Variants in SNX2 observed in about 807,000 individuals in gnomAD.
SNX2 encodes sorting nexin-2.
SNX2 carries 25 observed loss-of-function variants against 69.9 expected under a neutral mutation model. The observed-to-expected ratio is 0.36, with a 90% confidence interval of 0.26 to 0.50. The LOEUF (loss-of-function observed/expected upper bound fraction) is 0.50. Among genes scored for constraint, SNX2 ranks in the 20% least tolerant of loss-of-function variants. The pLI, the probability that SNX2 is intolerant of heterozygous loss-of-function variation, is 0.97. For missense variants in SNX2, 551 were observed against 613.3 expected, an observed-to-expected ratio of 0.90 and a Z score of 1.07; for synonymous variants, 229 against 200.4, an observed-to-expected ratio of 1.14 and a Z score of -1.20.
chr5:122,805,323 A>T (rs72794701), intron 6 of SNX2, among the ~76,000 whole-genome samples: 29,896 of 147,562 alleles, frequency 0.2, 3,384 homozygotes, highest in East Asian at 0.46. Context: ...TTGCTGATTT[A>T]TTTTTTCCCC....
chr5:122,789,251 C>A (rs185464101), intron 1 of SNX2, among the ~76,000 whole-genome samples: 252 of 152,218 alleles, frequency 1.7e-3, no homozygotes, highest in Non-Finnish European at 2.8e-3. Context: ...ACCTAAGTAT[C>A]AATTGAGTTT....
At chr5:122,819,106 T>TCTAA in intron 11 of SNX2, 83 bp downstream of exon 11, 1 of 1,035,784 alleles carries the variant, frequency 9.7e-7, no homozygotes, top group Non-Finnish European at 1.4e-6. Flanking sequence ...TATTTACATG[T>TCTAA]CTAAATTCCT....
rs74741769 is a variant in SNX2, at chr5:122,819,044, T to C, written c.1212+21T>C. On this transcript the variant is annotated intron_variant, in intron 11 of 14. Transcript: ENST00000379516. ...TGAAAGTAAGCCCTTTCTTGCATGC[T>C]TCTCACTTGTGTCGTGTACTTTAAA... 1.0e-3 allele frequency: 1,606 copies of C among 1,577,398 alleles called. 11 individuals carry two copies. In the African/African-American group the frequency reaches 0.019, roughly 19 times the overall value.
At chr5:122,813,767 C>CTT (rs546503535) in intron 7 of SNX2, among the ~76,000 whole-genome samples, 155 of 115,376 alleles carry the variant, frequency 1.3e-3, no homozygotes, top group Non-Finnish European at 1.6e-3. Context: ...AGAATATTTC[C>CTT]TTTTTTTTTT....
At chr5:122,790,449 C>G (rs955134420) in intron 1 of SNX2, among the ~76,000 whole-genome samples, 1 of 152,140 alleles carries the variant, frequency 6.6e-6, no homozygotes, top group Non-Finnish European at 1.5e-5. Context: ...AGCTCACTCT[C>G]ATGGCCATTA....
intron 12 of SNX2, 34 bp downstream of exon 12, chr5:122,826,227 G>A (rs1279985614): frequency 6.3e-7 from 1 of 1,576,114 alleles, no homozygotes; most frequent in African/African-American, 1.4e-5. Flanking sequence ...CTTTACTTAA[G>A]TTTTGCATGA....
intron 2 of SNX2, 59 bp downstream of exon 2, chr5:122,795,442 TAGAAA>T: frequency 8.6e-7 from 1 of 1,165,168 alleles, no homozygotes; most frequent in Non-Finnish European, 1.3e-6. Context: ...TTCTATTAGA[TAGAAA>T]ATATCTAAAA....
At chr5:122,797,332 G>A (rs1003344153) in intron 2 of SNX2, among the ~76,000 whole-genome samples, 3 of 152,126 alleles carry the variant, frequency 2.0e-5, no homozygotes, top group African/African-American at 4.8e-5. Flanking sequence ...AGAGAGATGG[G>A]AACTAAAGAA....
intron 7 of SNX2, among the ~76,000 whole-genome samples, chr5:122,808,903 A>G (rs1753708808): frequency 6.6e-6 from 1 of 152,146 alleles, no homozygotes; most frequent in East Asian, 1.9e-4. Flanking sequence ...ATTATTAAAT[A>G]CAGTGAGAAG....
Position 122,816,927 on chromosome 5 carries a change from G to T in SNX2, c.811G>T (p.Val271Phe). Residue 271 changes from valine (V) to phenylalanine (F), a missense_variant, in exon 9 of 15, where the codon GTT becomes TTT. This residue lies in a region of SNX2 where 360 missense variants were observed against 450.4 expected (regional missense o/e 0.80). Transcript: ENST00000379516. ...FLESSELPRA[V>F]NTQALSGAGI... Reference sequence around the variant, plus strand: ...CATTCAATTCCAGCTGCCTAGAGCAGTTAATACACAGGCTCTGAGTGGAGC... The same window carrying T: ...CATTCAATTCCAGCTGCCTAGAGCATTTAATACACAGGCTCTGAGTGGAGC... 3.1e-6 allele frequency: 5 copies of T among 1,610,922 alleles called. No individual in the cohort carries two copies. Among genetic ancestry groups the T allele is most frequent in the Middle Eastern group, 1.7e-4 (1 of 6,060 alleles).
intron 9 of SNX2, 54 bp from the exon 10 acceptor site, chr5:122,817,226 A>AT: frequency 6.5e-7 from 1 of 1,537,416 alleles, no homozygotes; most frequent in Non-Finnish European, 9.0e-7. Context: ...TGGTAACCTA[A>AT]TTTACAATGG....
In SNX2 at chr5:122,795,335, A is replaced by G; in HGVS notation, c.178A>G (p.Lys60Glu). The change falls in exon 2 of 15, where the codon AAA becomes GAA. Residue 60 changes from lysine (K) to glutamate (E), a missense_variant. By Grantham distance (56) the Lys-to-Glu change is moderately conservative (BLOSUM62 1). This residue lies in a region of SNX2 where 191 missense variants were observed against 162.9 expected (regional missense o/e 1.17). Coordinates refer to ENST00000379516, the MANE Select transcript of SNX2 (RefSeq NM_003100.4). ...EDISANSNGP[K>E]PTEVVLDDDR... ...TATTAGTGCAAACTCCAATGGCCCAAAACCCACAGAAGTTGTATTAGATGA... is the reference window on the plus strand; with the variant it reads ...TATTAGTGCAAACTCCAATGGCCCAGAACCCACAGAAGTTGTATTAGATGA... The G allele has an allele frequency of 2.5e-6, 4 of 1,613,950 alleles. No homozygotes were observed. Among genetic ancestry groups the G allele is most frequent in the Non-Finnish European group, 3.4e-6 (4 of 1,179,850 alleles).
At chr5:122,795,872 CA>C (rs1259670682) in intron 2 of SNX2, among the ~76,000 whole-genome samples, 3 of 152,092 alleles carry the variant, frequency 2.0e-5, no homozygotes. Context: ...GTTTTTGATA[CA>C]GGGGCAGGAT....
chr5:122,818,958 T>C lies in SNX2; in HGVS notation c.1147T>C (p.Phe383Leu). 1 of 1,613,948 alleles carries C rather than the reference T, an allele frequency of 6.2e-7. No individual in the cohort carries two copies. Among genetic ancestry groups the C allele is most frequent in the South Asian group, 1.1e-5 (1 of 91,070 alleles). The change falls in exon 11 of 15, where the codon TTT (phenylalanine) becomes CTT (leucine). Residue 383 changes from phenylalanine to leucine, a missense_variant. Physicochemically the swap from Phe to Leu is conservative, Grantham distance 22. Coordinates refer to ENST00000379516, the MANE Select transcript of SNX2 (RefSeq NM_003100.4). ...AGACCAGTTACATCAAGAACAAGCTTTTGCTGACTTTTATATGTTTTCAGA... is the reference window on the plus strand; with the variant it reads ...AGACCAGTTACATCAAGAACAAGCTCTTGCTGACTTTTATATGTTTTCAGA... ...KIDQLHQEQA[F>L]ADFYMFSELL... is the part of the protein sequence containing the mutation.
intron 1 of SNX2, among the ~76,000 whole-genome samples, chr5:122,779,872 T>C (rs1036565646): frequency 5.3e-5 from 8 of 152,174 alleles, no homozygotes; most frequent in Non-Finnish European, 1.2e-4. Flanking sequence ...ATTAGGTCTT[T>C]TCCCTAATGC....
intron 14 of SNX2, among the ~76,000 whole-genome samples, chr5:122,828,804 A>T (rs1037528542): frequency 8.5e-5 from 13 of 152,166 alleles, no homozygotes; most frequent in African/African-American, 3.1e-4. Context: ...TCAGATAAGG[A>T]AATTAAAATG....
intron 10 of SNX2, 133 bp from the exon 11 acceptor site, chr5:122,818,685 T>A: frequency 1.4e-6 from 1 of 695,626 alleles, no homozygotes; most frequent in Non-Finnish European, 2.3e-6. Context: ...AATTGTTTCA[T>A]ATTAATTAAT....
At chr5:122,798,878 A>G (rs1284001678) in intron 2 of SNX2, among the ~76,000 whole-genome samples, 1 of 152,180 alleles carries the variant, frequency 6.6e-6, no homozygotes, top group East Asian at 1.9e-4. Flanking sequence ...TAGCAATTAA[A>G]TGTCTTGTAA....
At chr5:122,792,433 A>G (rs1753263344) in intron 1 of SNX2, among the ~76,000 whole-genome samples, 1 of 152,130 alleles carries the variant, frequency 6.6e-6, no homozygotes, top group Non-Finnish European at 1.5e-5. Context: ...TTCTCTACTA[A>G]AAATACAAAA....
Sources: gnomAD v4.1 joint callset for allele counts (sites outside exome capture counted in the v4.1 genomes callset) on GRCh38, gnomAD v4.1.1 for gene constraint, gnomAD v4.1.1 regional missense constraint, MANE v1.5 for transcripts, NCBI Gene and HGNC (gene_info 2026-07-23, HGNC 2026-07-21) for gene names.